Variants in PTCD1 observed in about 807,000 individuals in gnomAD.
PTCD1 encodes the protein pentatricopeptide repeat-containing protein 1, mitochondrial.
Under a neutral mutation model 53.4 loss-of-function variants are expected in PTCD1, and 50 were observed. That is an observed-to-expected ratio of 0.94 (90% CI 0.75 to 1.19). The LOEUF is 1.19. Among genes scored for constraint, PTCD1 ranks in the 50% most tolerant of loss-of-function variants. PTCD1 has a pLI of 0.00. For missense variants in PTCD1, 918 were observed against 904.8 expected (o/e 1.01, Z -0.19); for synonymous variants, 413 against 394.8 (o/e 1.05, Z -0.55).
chr7:99,419,548 G>A lies in PTCD1; in HGVS notation c.*419C>T, dbSNP rs1379897203. 9.3e-6 allele frequency: 12 copies of A among 1,295,098 alleles called. No homozygotes were observed. Among genetic ancestry groups the A allele is most frequent in the Non-Finnish European group, 1.3e-5 (12 of 906,934 alleles). The allele number at this position is 1,295,098 out of a possible 1,614,324, so 80.2% of individuals were successfully genotyped here. A position where few individuals can be genotyped will look rare whatever the true frequency, so the allele number is the denominator to read the frequency against. On this transcript the variant is annotated 3_prime_UTR_variant, in exon 8 of 8. Coordinates refer to ENST00000292478, the MANE Select transcript of PTCD1 (RefSeq NM_015545.4). The stretch of plus-strand genomic sequence containing the variant: ...TGCCCCAGGCCCGAGTTGGAGCACG[G>A]TCTCTATGGGGAAGGCTTCGCTGTC...
intron 3 of PTCD1, 56 bp from the exon 4 acceptor site, chr7:99,429,862 A>G: frequency 6.2e-7 from 1 of 1,602,678 alleles, no homozygotes; most frequent in Non-Finnish European, 8.5e-7. Flanking sequence ...CGCACAGGTG[A>G]GCAGCTGCCC....
rs761648024 is a variant in PTCD1 at position 99,434,863 on chromosome 7, T to C, written c.380A>G (p.Lys127Arg). Residue 127 changes from lysine (K) to arginine (R), a missense_variant, in exon 2 of 8, where the codon AAA becomes AGA. Coordinates refer to ENST00000292478, the MANE Select transcript of PTCD1 (RefSeq NM_015545.4). The stretch of plus-strand genomic sequence containing the variant: ...GGTGTTTCTCCGGCCTCGCCATAAT[T>C]TGGGCTCCGGTTCCATTTGCTCATC... ...RRDEQMEPEP[K>R]LWRGRRNTPY... 5 of 1,614,170 alleles carry C rather than the reference T, an allele frequency of 3.1e-6. No individual in the cohort carries two copies. Among genetic ancestry groups the C allele is most frequent in the Admixed American group, 1.7e-5 (1 of 60,022 alleles).
intron 2 of PTCD1, 88 bp downstream of exon 2, chr7:99,434,702 A>T: frequency 6.4e-7 from 1 of 1,560,862 alleles, no homozygotes; most frequent in Admixed American, 1.7e-5. Flanking sequence ...CAAAACTTAG[A>T]GGCTGGGAAA....
At chr7:99,420,300 C>A in intron 7 of PTCD1, 151 bp from the exon 8 acceptor site, 1 of 1,115,442 alleles carries the variant, frequency 9.0e-7, no homozygotes, top group South Asian at 1.3e-5. Context: ...TGTGAACACG[C>A]ACTATGGGAC....
chr7:99,427,057 C>T (rs1359781448), intron 5 of PTCD1, among the ~76,000 whole-genome samples: 6 of 151,702 alleles, frequency 4.0e-5, no homozygotes, highest in East Asian at 2.0e-4. Context: ...CGTCTCCGCC[C>T]GGCAGCCACC....
At chr7:99,423,446 G>A (rs897792939) in intron 7 of PTCD1, among the ~76,000 whole-genome samples, 1 of 152,174 alleles carries the variant, frequency 6.6e-6, no homozygotes, top group African/African-American at 2.4e-5. Context: ...GGCCACTTAA[G>A]CAGAGACCTC....
intron 7 of PTCD1, among the ~76,000 whole-genome samples, chr7:99,421,707 A>G (rs1368309855): frequency 6.6e-6 from 1 of 152,108 alleles, no homozygotes; most frequent in African/African-American, 2.4e-5. Flanking sequence ...GTGAGGCCAG[A>G]TCGCATCACT....
At position 99,417,441 on chromosome 7, in the gene PTCD1, A is replaced by G; in HGVS notation, c.*2526T>C. 2 of 1,613,904 alleles carry G rather than the reference A, an allele frequency of 1.2e-6. No individual in the cohort carries two copies. The highest frequency in any genetic ancestry group is 2.2e-5 in the East Asian group (1 of 44,878). ...ATCTTTTTGACAGAACTCTATGAAT[A>G]TTGTATTAAAGAAGGCTATGCAGAC... On this transcript the variant is annotated 3_prime_UTR_variant, in exon 8 of 8. Transcript: ENST00000292478.
intron 1 of PTCD1, 81 bp from the exon 2 acceptor site, chr7:99,435,349 T>C: frequency 2.6e-6 from 4 of 1,551,730 alleles, no homozygotes; most frequent in Admixed American, 1.9e-5. Context: ...GTTACAAGTA[T>C]GGGCCCAGGC....
intron 3 of PTCD1, among the ~76,000 whole-genome samples, chr7:99,431,104 A>T (rs941861522): frequency 6.6e-6 from 1 of 151,872 alleles, no homozygotes; most frequent in African/African-American, 2.4e-5. Context: ...AAATAAAATA[A>T]ATAAAAACAA....
At chr7:99,424,522 G>A (rs535579622) in intron 6 of PTCD1, among the ~76,000 whole-genome samples, 1 of 152,200 alleles carries the variant, frequency 6.6e-6, no homozygotes, top group Admixed American at 6.5e-5. Context: ...TGTTGGGGCC[G>A]AGGCCTGTGC....
At chr7:99,426,339 G>C (rs940097164) in intron 5 of PTCD1, among the ~76,000 whole-genome samples, 1 of 152,176 alleles carries the variant, frequency 6.6e-6, no homozygotes, top group African/African-American at 2.4e-5. Context: ...GCAGGCGCGC[G>C]CCACCACGCC....
chr7:99,418,046 C>A lies in PTCD1; in HGVS notation c.*1921G>T. 9.5e-7 allele frequency: 1 copy of A among 1,050,404 alleles called. No individual in the cohort carries two copies. The allele number at this position is 1,050,404 out of a possible 1,614,324, so 65.1% of individuals were successfully genotyped here. A position where few individuals can be genotyped will look rare whatever the true frequency, so the allele number is the denominator to read the frequency against. ...GCAGTGATGCCATCTTGGCTCACTG[C>A]AACCTCCACCTCCCGGGTTCAAGCG... On this transcript the variant is annotated 3_prime_UTR_variant, in exon 8 of 8. Coordinates refer to ENST00000292478, the MANE Select transcript of PTCD1 (RefSeq NM_015545.4).
rs1329289033 is a variant in PTCD1 at position 99,435,036 on chromosome 7, G to A, written c.207C>T (p.Asp69=). Residue 69 remains aspartate (D), a synonymous_variant, in exon 2 of 8, where the codon GAC becomes GAT. Coordinates refer to ENST00000292478, the MANE Select transcript of PTCD1 (RefSeq NM_015545.4). ...TGGCCGTGGAGTTGGAGTGGCTCGGGTCAGAGCCCAGGCTGCCCGTGTTTT... is the reference window on the plus strand; with the variant it reads ...TGGCCGTGGAGTTGGAGTGGCTCGGATCAGAGCCCAGGCTGCCCGTGTTTT... The part of the protein sequence containing the change: ...RQENTGSLGS[D]PSHSNSTATQ... The A allele has an allele frequency of 1.2e-6, 2 of 1,613,812 alleles. No individual in the cohort carries two copies. Among genetic ancestry groups the A allele is most frequent in the East Asian group, 2.2e-5 (1 of 44,882 alleles).
At chr7:99,432,224 G>A (rs1322094866) in intron 3 of PTCD1, among the ~76,000 whole-genome samples, 2 of 152,184 alleles carry the variant, frequency 1.3e-5, no homozygotes, top group African/African-American at 4.8e-5. Flanking sequence ...GAAAGAGGAA[G>A]GCCTCTTTGC....
chr7:99,420,935 A>G (rs1445389307), intron 7 of PTCD1, among the ~76,000 whole-genome samples: 1 of 152,116 alleles, frequency 6.6e-6, no homozygotes, highest in African/African-American at 2.4e-5. Flanking sequence ...CGACAGAGCA[A>G]GACTCCATCT....
chr7:99,432,020 T>A (rs1796274356), intron 3 of PTCD1, among the ~76,000 whole-genome samples: 1 of 152,148 alleles, frequency 6.6e-6, no homozygotes, highest in Non-Finnish European at 1.5e-5. Context: ...CATTCTCCAA[T>A]CTCGAGTACC....
At position 99,429,634 on chromosome 7, in the gene PTCD1, A is replaced by C. The variant is rs1446276690; in HGVS notation, c.767T>G (p.Met256Arg). The change falls in exon 4 of 8, where the codon ATG (methionine) becomes AGG (arginine). Residue 256 changes from methionine to arginine, a missense_variant. Transcript: ENST00000292478. ...NLKTYHALLKMAAKCADLRMC... is the reference protein window; with the variant it reads ...NLKTYHALLKRAAKCADLRMC... Reference sequence around the variant, plus strand: ...CCTAAGGTCTGCGCACTTGGCAGCCATCTTCAGCAGCGCGTGGTATGTTTT... The same window carrying C: ...CCTAAGGTCTGCGCACTTGGCAGCCCTCTTCAGCAGCGCGTGGTATGTTTT... 10 of 1,614,240 alleles carry C rather than the reference A, an allele frequency of 6.2e-6. No individual in the cohort carries two copies. Among genetic ancestry groups the C allele is most frequent in the Non-Finnish European group, 8.5e-6 (10 of 1,180,036 alleles).
chr7:99,417,666 T>C lies in PTCD1; in HGVS notation c.*2301A>G, dbSNP rs747620722. On this transcript the variant is annotated 3_prime_UTR_variant, in exon 8 of 8. Transcript: ENST00000292478. ...CTGCCTTAGTCGACTGCAAGGGATCTTATGTTATTTGGTTGGGCTGGAATG... is the reference window on the plus strand; with the variant it reads ...CTGCCTTAGTCGACTGCAAGGGATCCTATGTTATTTGGTTGGGCTGGAATG... 2.5e-6 allele frequency: 4 copies of C among 1,587,822 alleles called. No individual in the cohort carries two copies. Among genetic ancestry groups the C allele is most frequent in the Non-Finnish European group, 3.4e-6 (4 of 1,173,006 alleles).
Sources: allele counts gnomAD v4.1 joint callset (sites outside exome capture counted in the v4.1 genomes callset), GRCh38; gene constraint gnomAD v4.1.1; transcripts MANE v1.5; gene names NCBI Gene and HGNC (gene_info 2026-07-23, HGNC 2026-07-21).